JMJD1C: variants seen among roughly 807,000 people sequenced by gnomAD.
JMJD1C encodes jumonji domain containing 1C.
JMJD1C carries 31 observed loss-of-function variants against 245.3 expected under a neutral mutation model. The ratio of observed to expected loss-of-function variants is 0.13; its 90% CI spans 0.09 to 0.17. The LOEUF (loss-of-function observed/expected upper bound fraction) is 0.17, where lower values mean the gene tolerates loss of function less well. Ranked by LOEUF, JMJD1C falls within the 10% of genes least tolerant of loss-of-function variation. The pLI is 1.00. For synonymous variants in JMJD1C, 1,057 were observed against 1,017.4 expected (o/e 1.04, Z -0.74); for missense variants, 2,691 against 3,000.2 (o/e 0.90, Z 2.41).
intron 1 of JMJD1C, among the ~76,000 whole-genome samples, chr10:63,453,477 CAGAT>C (rs1243252662): frequency 1.3e-5 from 2 of 152,078 alleles, no homozygotes; most frequent in African/African-American, 4.8e-5. Context: ...TGGAATATAA[CAGAT>C]AGTCCACAAA....
At chr10:63,269,304 TG>T in intron 2 of JMJD1C, 1 of 640,422 alleles carries the variant, frequency 1.6e-6, no homozygotes, top group Non-Finnish European at 1.9e-6. Context: ...CAGGTGCTGA[TG>T]GAGTCACTTC....
intron 1 of JMJD1C, among the ~76,000 whole-genome samples, chr10:63,460,033 C>T (rs1029451051): frequency 1.3e-5 from 2 of 152,172 alleles, no homozygotes; most frequent in Non-Finnish European, 2.9e-5. Flanking sequence ...ACAATGCTAT[C>T]CTTGGAATCC....
At chr10:63,458,855 C>T (rs1264021771) in intron 1 of JMJD1C, among the ~76,000 whole-genome samples, 1 of 151,998 alleles carries the variant, frequency 6.6e-6, no homozygotes, top group Non-Finnish European at 1.5e-5. Flanking sequence ...CCCAAAGGAG[C>T]TGGGACCACA....
chr10:63,233,049 TTC>T (rs1480719549), intron 3 of JMJD1C, among the ~76,000 whole-genome samples: 2 of 152,204 alleles, frequency 1.3e-5, no homozygotes, highest in Admixed American at 6.5e-5. Context: ...TTTTAAGTTA[TTC>T]TCTCTCAGTT....
chr10:63,273,896 T>C lies in JMJD1C; in HGVS notation c.334-9132A>G, dbSNP rs946745916. On this transcript the variant is annotated intron_variant, in intron 2 of 25. Transcript: ENST00000399262. Reference sequence around the variant, plus strand: ...TCCTTCCAGTAATGTGAGAATCTTATATGTACAATTTTAGGAGTTAAAATA... The same window carrying C: ...TCCTTCCAGTAATGTGAGAATCTTACATGTACAATTTTAGGAGTTAAAATA... Among the ~76,000 whole-genome samples the C allele has an allele frequency of 4.4e-4, 67 of 152,212 alleles. 1 individual carries two copies. Among genetic ancestry groups the C allele is most frequent in the Admixed American group, 4.4e-3 (67 of 15,276 alleles).
At chr10:63,411,436 T>G (rs1238215782) in intron 1 of JMJD1C, among the ~76,000 whole-genome samples, 1 of 149,474 alleles carries the variant, frequency 6.7e-6, no homozygotes, top group Non-Finnish European at 1.5e-5. Flanking sequence ...ATAGCTGGGA[T>G]TACAGGTGCC....
chr10:63,432,573 C>G (rs1427489139), intron 1 of JMJD1C, among the ~76,000 whole-genome samples: 1 of 152,192 alleles, frequency 6.6e-6, no homozygotes, highest in Non-Finnish European at 1.5e-5. Context: ...ACCAAGAGAA[C>G]AACAGCCCAG....
intron 1 of JMJD1C, among the ~76,000 whole-genome samples, chr10:63,405,615 G>A (rs773927604): frequency 2.6e-5 from 4 of 152,094 alleles, no homozygotes; most frequent in African/African-American, 4.8e-5. Flanking sequence ...GAGCCACAGC[G>A]CCCAGCCCCA....
Position 63,214,320 on chromosome 10 carries a change from C to G in JMJD1C, c.1847G>C (p.Arg616Pro). Residue 616 changes from arginine to proline, a missense_variant, in exon 8 of 26, where the codon CGA (arginine) becomes CCA (proline). Coordinates refer to ENST00000399262, the MANE Select transcript of JMJD1C (RefSeq NM_032776.3). ...VSVMEDKLHK[R>P]SPPPETIKSK... ...TTTTATAGTCTCTGGAGGTGGACTT[C>G]GCTTATGCAGCTTATCTTCCATGAC... 1.2e-6 allele frequency: 2 copies of G among 1,613,940 alleles called. No individual in the cohort carries two copies. The highest frequency in any genetic ancestry group is 2.2e-5 in the East Asian group (1 of 44,866).
At chr10:63,301,875 A>G (rs145175686) in intron 2 of JMJD1C, 1 of 364,946 alleles carries the variant, frequency 2.7e-6, no homozygotes, top group East Asian at 8.4e-5. Flanking sequence ...TGGCTAAAGA[A>G]TTCTGTTCTG....
intron 2 of JMJD1C, among the ~76,000 whole-genome samples, chr10:63,283,932 TG>T (rs1857683420): frequency 6.6e-6 from 1 of 152,142 alleles, no homozygotes; most frequent in Non-Finnish European, 1.5e-5. Context: ...GAGAAGCAAT[TG>T]TTCATGAACT....
chr10:63,440,207 C>T lies in JMJD1C; in HGVS notation c.168+25288G>A, dbSNP rs542249941. Among the ~76,000 whole-genome samples, 366 of 151,950 alleles carry T rather than the reference C, an allele frequency of 2.4e-3. 3 individuals carry two copies. Among genetic ancestry groups the T allele is most frequent in the Middle Eastern group, 0.014 (4 of 294 alleles). On this transcript the variant is annotated intron_variant, in intron 1 of 25. Coordinates refer to ENST00000399262, the MANE Select transcript of JMJD1C (RefSeq NM_032776.3). ...AAAATTAGCTAAGCATGGTGGCAGG[C>T]GACTTTAATCTCAGCTACTCAGGAG...
At chr10:63,245,231 A>C (rs994526450) in intron 3 of JMJD1C, among the ~76,000 whole-genome samples, 6 of 151,648 alleles carry the variant, frequency 4.0e-5, no homozygotes, top group African/African-American at 1.5e-4. Context: ...CCAAATAAAA[A>C]CCTTAGAATT....
chr10:63,240,426 TA>T (rs1851341251), intron 3 of JMJD1C, among the ~76,000 whole-genome samples: 1 of 152,186 alleles, frequency 6.6e-6, no homozygotes, highest in Non-Finnish European at 1.5e-5. Flanking sequence ...GATCCAGTGT[TA>T]AATGCAAAGG....
chr10:63,303,235 T>C (rs1357998081), intron 2 of JMJD1C, among the ~76,000 whole-genome samples: 1 of 152,224 alleles, frequency 6.6e-6, no homozygotes, highest in East Asian at 1.9e-4. Context: ...TGCTTGTATG[T>C]ATTGTGACTC....
intron 1 of JMJD1C, among the ~76,000 whole-genome samples, chr10:63,391,751 A>G (rs946600578): frequency 1.3e-5 from 2 of 152,188 alleles, no homozygotes; most frequent in African/African-American, 4.8e-5. Flanking sequence ...TGCAATCCTT[A>G]TCAAAATACC....
At chr10:63,294,899 C>G (rs545311358) in intron 2 of JMJD1C, among the ~76,000 whole-genome samples, 1 of 152,114 alleles carries the variant, frequency 6.6e-6, no homozygotes, top group South Asian at 2.1e-4. Context: ...CACTTTCCAC[C>G]AGCTCCTAGG....
chr10:63,225,067 A>T (rs1458265557), intron 3 of JMJD1C, among the ~76,000 whole-genome samples: 5 of 152,046 alleles, frequency 3.3e-5, no homozygotes, highest in African/African-American at 1.2e-4. Flanking sequence ...TCTCGAAAAA[A>T]AAAGAAAAAA....
At chr10:63,495,984 A>G (rs1175963917) in intron 1 of JMJD1C, among the ~76,000 whole-genome samples, 2 of 151,554 alleles carry the variant, frequency 1.3e-5, no homozygotes, top group East Asian at 3.9e-4. Context: ...ACTAACAGAC[A>G]TTATGTTCCT....
Sources: gnomAD v4.1 joint callset for allele counts (sites outside exome capture counted in the v4.1 genomes callset) on GRCh38, gnomAD v4.1.1 for gene constraint, MANE v1.5 for transcripts, NCBI Gene and HGNC (gene_info 2026-07-23, HGNC 2026-07-21) for gene names.